The following MYO18B variants were observed in gnomAD, a reference collection of about 807,000 sequenced individuals.
MYO18B encodes the protein unconventional myosin-XVIIIb.
A neutral mutation model predicts 273.0 loss-of-function variants in MYO18B; 204 were observed. The ratio of observed to expected loss-of-function variants is 0.75; its 90% CI spans 0.67 to 0.84. The LOEUF (loss-of-function observed/expected upper bound fraction) is 0.84. MYO18B is among the 40% of genes least tolerant of loss of function. The probability of loss-of-function intolerance (pLI) is 0.00; values close to 1 mark genes in which losing one functional copy is unlikely to be tolerated. For synonymous variants in MYO18B, 1,330 were observed against 1,305.7 expected (o/e 1.02, Z -0.40); for missense variants, 3,212 against 3,287.6 (o/e 0.98, Z 0.56).
At chr22:25,991,284 T>C (rs2093267890) in intron 39 of MYO18B, among the ~76,000 whole-genome samples, 1 of 152,202 alleles carries the variant, frequency 6.6e-6, no homozygotes. Flanking sequence ...GGAGGTTAGA[T>C]GCTGGGTCTC....
chr22:25,925,729 A>G (rs1385481635), intron 34 of MYO18B, among the ~76,000 whole-genome samples: 2 of 151,232 alleles, frequency 1.3e-5, no homozygotes, highest in Non-Finnish European at 2.9e-5. Context: ...ACATGGTGAA[A>G]CCCTGTCTCT....
Position 25,864,918 on chromosome 22 carries a change from A to G in MYO18B, c.3886-3402A>G, listed in dbSNP as rs535093831. ...GGAAGAGGTGATTCCATAAAGACAC[A>G]GGACAAGGAGGAATTTCTTAACAGT... On this transcript the variant is annotated intron_variant, in intron 21 of 43. Coordinates refer to ENST00000335473, the MANE Select transcript of MYO18B (RefSeq NM_032608.7). Among the ~76,000 whole-genome samples, 3 of 152,326 alleles carry G rather than the reference A, an allele frequency of 2.0e-5. No individual in the cohort carries two copies. The East Asian group carries it at 5.8e-4, about 29-fold the overall frequency.
chr22:25,912,924 C>T (rs2092185867), intron 33 of MYO18B, among the ~76,000 whole-genome samples: 1 of 152,178 alleles, frequency 6.6e-6, no homozygotes, highest in African/African-American at 2.4e-5. Flanking sequence ...TGAGATTAGT[C>T]TATAATGATA....
At chr22:25,825,997 C>T (rs6004780) in intron 13 of MYO18B, among the ~76,000 whole-genome samples, 14 of 152,322 alleles carry the variant, frequency 9.2e-5, no homozygotes, top group African/African-American at 3.4e-4. Flanking sequence ...CGCCTATCTT[C>T]AGGGCACGCC....
At chr22:26,057,736 A>G in the MYO18B span, among the ~76,000 whole-genome samples, 1 of 152,170 alleles carries the variant, frequency 6.6e-6, no homozygotes, top group Non-Finnish European at 1.5e-5. Flanking sequence ...TAGTTAAGAT[A>G]ATGGAGACCC....
In MYO18B at chr22:25,770,174, T is replaced by C; in HGVS notation, c.1577T>C (p.Leu526Pro). Residue 526 changes from leucine (L) to proline (P), a missense_variant and splice_region_variant, in exon 5 of 44, where the codon CTT becomes CCT. Physicochemically the swap from Leu to Pro is moderately conservative, Grantham distance 98 (BLOSUM62 -3). Coordinates refer to ENST00000335473, the MANE Select transcript of MYO18B (RefSeq NM_032608.7). ...VWLAQKDGFT[L>P]ATVLKPDEGT... The stretch of plus-strand genomic sequence containing the variant: ...CTGGCTCAGAAGGATGGATTTACTC[T>C]TGGTAAGTAGGGGTGTTAGCACCTT... 2 of 1,613,938 alleles carry C rather than the reference T, an allele frequency of 1.2e-6. No individual in the cohort carries two copies. Among genetic ancestry groups the C allele is most frequent in the Admixed American group, 1.7e-5 (1 of 60,012 alleles).
intron 29 of MYO18B, chr22:25,901,418 G>A (rs1288456796): frequency 6.6e-6 from 1 of 152,156 alleles, no homozygotes; most frequent in Non-Finnish European, 1.5e-5. Flanking sequence ...AGGAGGCTGA[G>A]ACAACTGAAC....
intron 31 of MYO18B, among the ~76,000 whole-genome samples, chr22:25,905,084 G>A (rs981988193): frequency 1.3e-5 from 2 of 151,874 alleles, no homozygotes; most frequent in Non-Finnish European, 2.9e-5. Flanking sequence ...ACCGTTATGC[G>A]AGAAAATGTG....
intron 28 of MYO18B, chr22:25,898,077 C>A (rs1441458730): frequency 5.9e-6 from 3 of 511,432 alleles, no homozygotes; most frequent in Non-Finnish European, 1.0e-5. Flanking sequence ...TAAAATCAAC[C>A]TTAAGAGATT....
intron 28 of MYO18B, 113 bp downstream of exon 28, chr22:25,895,393 CA>C (rs1473718317): frequency 2.3e-6 from 3 of 1,300,576 alleles, no homozygotes; most frequent in African/African-American, 3.0e-5. Context: ...GAAGAGGACA[CA>C]AACCCCTTAA....
At chr22:25,772,267 G>T in intron 6 of MYO18B, 67 bp from the exon 7 acceptor site, 4 of 1,501,582 alleles carry the variant, frequency 2.7e-6, no homozygotes, top group East Asian at 2.3e-5. Context: ...GTTGCGGGGG[G>T]GTGGGGTGGG....
chr22:26,024,057 C>T (rs186232993), intron 42 of MYO18B, among the ~76,000 whole-genome samples: 142 of 152,244 alleles, frequency 9.3e-4, no homozygotes, highest in East Asian at 5.8e-3. Flanking sequence ...TTTCTTCTTA[C>T]GGTGAGACAG....
chr22:25,790,278 T>A (rs117937683), intron 11 of MYO18B, among the ~76,000 whole-genome samples: 3,092 of 152,382 alleles, frequency 0.02, 76 homozygotes, highest in East Asian at 0.095. Flanking sequence ...TTTTATTTTT[T>A]AATTATACTT....
chr22:25,908,230 T>G, intron 31 of MYO18B, 92 bp from the exon 32 acceptor site: 120 of 1,002,290 alleles, frequency 1.2e-4, no homozygotes, highest in Non-Finnish European at 1.6e-4. Context: ...ATTCCAAAAA[T>G]GAGAAATGCA....
In MYO18B at chr22:26,017,025, T is replaced by TTTCCTTCCTTCC. The variant is rs59617056; in HGVS notation, c.6471-9382_6471-9371dup. On this transcript the variant is annotated intron_variant, in intron 42 of 43. Transcript: ENST00000335473. ...TCCTAACTCTTTTTTATTAGGCTAA[T>TTTCCTTCCTTCC]TTCCTTCCTTCCTTCCTTCCTTCCT... is the stretch of plus-strand genomic sequence containing the variant. 3.8e-3 allele frequency among the ~76,000 whole-genome samples: 466 copies of TTTCCTTCCTTCC among 124,212 alleles called. 5 individuals carry two copies. Among genetic ancestry groups the TTTCCTTCCTTCC allele is most frequent in the African/African-American group, 0.013 (388 of 30,860 alleles). The allele number at this position is 124,212 out of a possible 152,430, so 81.5% of individuals were successfully genotyped here.
At chr22:26,057,262 G>A in the MYO18B span, among the ~76,000 whole-genome samples, 1 of 151,990 alleles carries the variant, frequency 6.6e-6, no homozygotes, top group Non-Finnish European at 1.5e-5. Flanking sequence ...TCTATATAAC[G>A]AATGATCACT....
intron 12 of MYO18B, among the ~76,000 whole-genome samples, chr22:25,809,812 T>C (rs537296530): frequency 3.3e-5 from 5 of 152,242 alleles, no homozygotes; most frequent in African/African-American, 9.6e-5. Context: ...CTCTTCAAGC[T>C]GTGGTAAGAC....
intron 21 of MYO18B, among the ~76,000 whole-genome samples, chr22:25,855,285 C>CTTTTTTTTT (rs150338635): frequency 1.5e-5 from 2 of 132,350 alleles, no homozygotes; most frequent in Non-Finnish European, 3.1e-5. Flanking sequence ...TTATCTCATT[C>CTTTTTTTTT]TTTTTTTTTT....
At chr22:25,884,715 C>T (rs932881136) in intron 25 of MYO18B, 1 of 152,182 alleles carries the variant, frequency 6.6e-6, no homozygotes, top group Non-Finnish European at 1.5e-5. Context: ...AGTGACCTGA[C>T]CTTGTATGTC....
Sources: allele counts gnomAD v4.1 joint callset (sites outside exome capture counted in the v4.1 genomes callset), GRCh38; gene constraint gnomAD v4.1.1; transcripts MANE v1.5; gene names NCBI Gene and HGNC (gene_info 2026-07-23, HGNC 2026-07-21).